The following SLC14A2 variants were observed in gnomAD, a reference collection of about 807,000 sequenced individuals.
The protein encoded by SLC14A2 is solute carrier family 14 member 2.
A neutral mutation model predicts 104.6 loss-of-function variants in SLC14A2; 91 were observed. The observed-to-expected ratio is 0.87, with a 90% CI of 0.73 to 1.04. The LOEUF (loss-of-function observed/expected upper bound fraction) is 1.04, where lower values mean the gene tolerates loss of function less well. Ranked by LOEUF, SLC14A2 falls within the 50% of genes least tolerant of loss-of-function variation. The pLI is 0.00. For synonymous variants in SLC14A2, 476 were observed against 466.4 expected (o/e 1.02, Z -0.27); for missense variants, 1,189 against 1,156.0 (o/e 1.03, Z -0.41).
intron 1 of SLC14A2, among the ~76,000 whole-genome samples, chr18:45,356,920 T>C (rs1273382871): frequency 6.6e-6 from 1 of 152,186 alleles, no homozygotes; most frequent in Non-Finnish European, 1.5e-5. Flanking sequence ...CCTGGGAACC[T>C]GGGGCTGGGC....
intron 1 of SLC14A2, among the ~76,000 whole-genome samples, chr18:45,274,785 C>G (rs2084685383): frequency 6.6e-6 from 1 of 152,220 alleles, no homozygotes; most frequent in African/African-American, 2.4e-5. Context: ...CTTGATAACT[C>G]AATTCATTTG....
chr18:45,601,979 G>A (rs1156401132), intron 2 of SLC14A2, among the ~76,000 whole-genome samples: 1 of 152,256 alleles, frequency 6.6e-6, no homozygotes, highest in East Asian at 1.9e-4. Flanking sequence ...GTGAGGGCAT[G>A]TACGGTTGTG....
intron 10 of SLC14A2, chr18:45,646,584 G>C (rs2045630883): frequency 6.6e-6 from 1 of 152,164 alleles, no homozygotes; most frequent in South Asian, 2.1e-4. Context: ...CCCCAGGAGA[G>C]GAAAACTATT....
Position 45,659,240 on chromosome 18 carries a change from A to G in SLC14A2, c.1352-4545A>G, listed in dbSNP as rs73956505. Among the ~76,000 whole-genome samples, 546 of 152,370 alleles carry G rather than the reference A, an allele frequency of 3.6e-3. 3 individuals are homozygous for G. The highest frequency in any genetic ancestry group is 0.013 in the African/African-American group (531 of 41,578). ...GTCCCTGGGCTCAGGCCCTCTGGCC[A>G]TAAACATCATCTGTTTACTGCACCA... On this transcript the variant is annotated intron_variant, in intron 10 of 19. Transcript: ENST00000255226.
chr18:45,503,846 T>C (rs571916221), intron 2 of SLC14A2, among the ~76,000 whole-genome samples: 1 of 152,180 alleles, frequency 6.6e-6, no homozygotes, highest in African/African-American at 2.4e-5. Flanking sequence ...AAGATACCAC[T>C]GGAAGTAGGT....
intron 1 of SLC14A2, among the ~76,000 whole-genome samples, chr18:45,426,740 C>T (rs1474959385): frequency 6.7e-6 from 1 of 150,208 alleles, no homozygotes; most frequent in Non-Finnish European, 1.5e-5. Flanking sequence ...CACATACATA[C>T]ACGCTTAATG....
chr18:45,369,008 A>G (rs1001555497), intron 1 of SLC14A2, among the ~76,000 whole-genome samples: 1 of 152,212 alleles, frequency 6.6e-6, no homozygotes, highest in African/African-American at 2.4e-5. Context: ...TAATGGGGAT[A>G]CCTAAATTGA....
intron 1 of SLC14A2, among the ~76,000 whole-genome samples, chr18:45,415,644 TC>T (rs1277373151): frequency 6.6e-6 from 1 of 151,906 alleles, no homozygotes; most frequent in Non-Finnish European, 1.5e-5. Flanking sequence ...CCACAGGGGG[TC>T]AAAAAGCCAG....
intron 1 of SLC14A2, among the ~76,000 whole-genome samples, chr18:45,242,187 A>G (rs976816627): frequency 2.0e-5 from 3 of 152,136 alleles, no homozygotes; most frequent in African/African-American, 7.2e-5. Flanking sequence ...GCCCAGGCCC[A>G]GTTTGCTCTA....
intron 1 of SLC14A2, among the ~76,000 whole-genome samples, chr18:45,456,371 T>C (rs1290184790): frequency 6.6e-6 from 1 of 152,160 alleles, no homozygotes; most frequent in Non-Finnish European, 1.5e-5. Context: ...GGGGATGCTG[T>C]TTGTCCTCTT....
At chr18:45,266,621 A>G (rs2084594886) in intron 1 of SLC14A2, among the ~76,000 whole-genome samples, 2 of 152,194 alleles carry the variant, frequency 1.3e-5, no homozygotes, top group South Asian at 4.1e-4. Context: ...TTTTATGGCC[A>G]TAATGCTGTG....
At chr18:45,542,477 T>A (rs958039995) in intron 2 of SLC14A2, 17 of 152,190 alleles carry the variant, frequency 1.1e-4, no homozygotes, top group African/African-American at 4.1e-4. Context: ...TTGTGGTGAT[T>A]TGTGTATTCT....
chr18:45,207,957 G>A, the SLC14A2 span, among the ~76,000 whole-genome samples: 2 of 152,052 alleles, frequency 1.3e-5, no homozygotes, highest in African/African-American at 4.8e-5. Flanking sequence ...ACAGCTGATG[G>A]AACTGCTACT....
rs560682355 is a variant in SLC14A2 at position 45,625,602 on chromosome 18, C to T, written c.151-81C>T. The T allele has an allele frequency of 5.5e-5, 65 of 1,192,390 alleles. No individual in the cohort carries two copies. The Middle Eastern group carries it at 1.4e-3, about 25-fold the overall frequency. 73.9% of individuals were successfully genotyped at this position (1,192,390 alleles called of 1,614,324 possible). ...ATGATCCTTTATTTTTATCAAAAAACCTGCCACCCTCCTCTATCCCCAAAT... is the reference window on the plus strand; with the variant it reads ...ATGATCCTTTATTTTTATCAAAAAATCTGCCACCCTCCTCTATCCCCAAAT... On this transcript the variant is annotated intron_variant, in intron 2 of 19. Transcript: ENST00000255226.
At chr18:45,509,298 A>C (rs9964390) in intron 2 of SLC14A2, among the ~76,000 whole-genome samples, 55,941 of 151,338 alleles carry the variant, frequency 0.37, 10,413 homozygotes, top group African/African-American at 0.4. Flanking sequence ...ATATATATAT[A>C]TCTCTCTCTC....
At chr18:45,637,790 T>G (rs2045446615) in intron 6 of SLC14A2, among the ~76,000 whole-genome samples, 1 of 152,132 alleles carries the variant, frequency 6.6e-6, no homozygotes, top group Non-Finnish European at 1.5e-5. Flanking sequence ...AGAAAGGCCT[T>G]CCTTTTCCTT....
Position 45,545,388 on chromosome 18 carries a change from C to T in SLC14A2, c.-35+62066C>T, listed in dbSNP as rs138140779. Among the ~76,000 whole-genome samples the T allele has an allele frequency of 9.2e-5, 14 of 152,252 alleles. No individual in the cohort carries two copies. In the East Asian group the frequency reaches 2.3e-3, roughly 25 times the overall value. ...CTCCATAAAACTCAGGCTGAGGGTC[C>T]GTTGCTATTTATCATGCTCTTGGGC... is the stretch of plus-strand genomic sequence containing the variant. On this transcript the variant is annotated intron_variant, in intron 2 of 20. Transcript: ENST00000586448.
At chr18:45,422,756 T>C (rs2086367227) in intron 1 of SLC14A2, among the ~76,000 whole-genome samples, 1 of 152,218 alleles carries the variant, frequency 6.6e-6, no homozygotes, top group Non-Finnish European at 1.5e-5. Flanking sequence ...CAGTTAGAGC[T>C]GTTGCTGTCT....
intron 1 of SLC14A2, among the ~76,000 whole-genome samples, chr18:45,469,448 A>T (rs1286768899): frequency 6.6e-6 from 1 of 152,214 alleles, no homozygotes. Flanking sequence ...GAGCTCAGGG[A>T]TACAGGGGTG....
Sources: gnomAD v4.1 joint callset for allele counts (sites outside exome capture counted in the v4.1 genomes callset) on GRCh38, gnomAD v4.1.1 for gene constraint, MANE v1.5 for transcripts, NCBI Gene and HGNC (gene_info 2026-07-23, HGNC 2026-07-21) for gene names.